Variants in COPG2 observed in about 807,000 individuals in gnomAD.
COPG2 encodes coatomer subunit gamma-2.
A neutral mutation model predicts 46.3 loss-of-function variants in COPG2; 37 were observed. That is an observed-to-expected ratio of 0.80 (90% CI 0.61 to 1.05). The LOEUF (loss-of-function observed/expected upper bound fraction) is 1.05, where lower values mean the gene tolerates loss of function less well. Ranked by LOEUF, COPG2 falls within the 50% of genes least tolerant of loss-of-function variation. COPG2 has a pLI of 0.00. For missense variants in COPG2, 427 were observed against 387.8 expected, an observed-to-expected ratio of 1.10 and a Z score of -0.85; for synonymous variants, 159 against 129.7, an observed-to-expected ratio of 1.23 and a Z score of -1.53.
chr7:130,621,602 G>T (rs782313724), intron 5 of COPG2, among the ~76,000 whole-genome samples: 2 of 151,912 alleles, frequency 1.3e-5, no homozygotes, highest in Non-Finnish European at 2.9e-5. Context: ...TGAGGTCAGG[G>T]GTTCAAGACC....
chr7:130,513,775 A>C (rs1473524371), intron 20 of COPG2, among the ~76,000 whole-genome samples: 1 of 152,198 alleles, frequency 6.6e-6, no homozygotes, highest in Non-Finnish European at 1.5e-5. Context: ...GAAAAGACTA[A>C]ATTCATGAGA....
intron 5 of COPG2, among the ~76,000 whole-genome samples, chr7:130,642,686 T>C (rs1381882636): frequency 2.6e-5 from 4 of 152,156 alleles, no homozygotes; most frequent in African/African-American, 9.7e-5. Context: ...CTATCACAAA[T>C]ACGAGGGGAC....
At chr7:130,550,013 A>C (rs1793509911) in intron 17 of COPG2, among the ~76,000 whole-genome samples, 2 of 152,152 alleles carry the variant, frequency 1.3e-5, no homozygotes, top group South Asian at 2.1e-4. Flanking sequence ...ATTAAAAAAA[A>C]CCCTTCATTT....
chr7:130,587,207 TAAGG>T (rs1563051162), intron 9 of COPG2, among the ~76,000 whole-genome samples: 1 of 151,572 alleles, frequency 6.6e-6, no homozygotes, highest in Non-Finnish European at 1.5e-5. Flanking sequence ...CCCGGGAGGC[TAAGG>T]AAGGAGAATC....
intron 12 of COPG2, among the ~76,000 whole-genome samples, chr7:130,556,768 GTCAAAGGA>G (rs1793632946): frequency 6.6e-6 from 1 of 151,958 alleles, no homozygotes; most frequent in Non-Finnish European, 1.5e-5. Flanking sequence ...ACATTCATGA[GTCAAAGGA>G]TTATATCCAA....
chr7:130,659,384 T>C (rs1554460366), intron 4 of COPG2, among the ~76,000 whole-genome samples: 1 of 126,982 alleles, frequency 7.9e-6, no homozygotes, highest in Non-Finnish European at 1.7e-5. Context: ...AAACAAGCAT[T>C]ATCTAGAAAT....
chr7:130,570,237 C>A (rs1337402756), intron 9 of COPG2, among the ~76,000 whole-genome samples: 1 of 151,994 alleles, frequency 6.6e-6, no homozygotes, highest in African/African-American at 2.4e-5. Context: ...TAAAGGACAT[C>A]CAAATTGGTA....
At chr7:130,589,089 CATA>C (rs1794347501) in intron 9 of COPG2, among the ~76,000 whole-genome samples, 1 of 151,900 alleles carries the variant, frequency 6.6e-6, no homozygotes, top group Non-Finnish European at 1.5e-5. Flanking sequence ...TATAACATCC[CATA>C]ATACAACTAA....
At chr7:130,513,327 A>ATATGTGTGTGTGTGTGTGTG (rs1554441319) in intron 20 of COPG2, among the ~76,000 whole-genome samples, 2 of 61,092 alleles carry the variant, frequency 3.3e-5, no homozygotes, top group African/African-American at 5.4e-5. Context: ...ATATATATAT[A>ATATGTGTGTGTGTGTGTGTG]TATATATATA....
At chr7:130,536,706 C>T (rs1219621859) in intron 20 of COPG2, among the ~76,000 whole-genome samples, 1 of 152,030 alleles carries the variant, frequency 6.6e-6, no homozygotes, top group East Asian at 1.9e-4. Context: ...ACACAGTTCC[C>T]GACAGACCAG....
chr7:130,569,118 G>C (rs1793852719), intron 9 of COPG2, among the ~76,000 whole-genome samples: 2 of 152,078 alleles, frequency 1.3e-5, no homozygotes, highest in South Asian at 2.1e-4. Flanking sequence ...AGCATAAATA[G>C]ATGATCTAAG....
At chr7:130,511,774 C>A (rs374410613) in intron 20 of COPG2, 1 of 518,650 alleles carries the variant, frequency 1.9e-6, no homozygotes, top group Non-Finnish European at 3.9e-6. Context: ...TCTAAATGGT[C>A]GGCTGCATGG....
intron 5 of COPG2, among the ~76,000 whole-genome samples, chr7:130,630,597 A>G (rs534025662): frequency 1.3e-5 from 2 of 152,114 alleles, no homozygotes; most frequent in South Asian, 4.1e-4. Context: ...TTAATTGTGG[A>G]TCTGTTGATT....
At chr7:130,608,124 G>C (rs1477050339) in intron 9 of COPG2, 1 of 375,628 alleles carries the variant, frequency 2.7e-6, no homozygotes. Context: ...GTTTTACAAA[G>C]ATTTTTTTGT....
intron 20 of COPG2, chr7:130,511,609 T>G (rs1554441017): frequency 3.9e-6 from 2 of 518,724 alleles, no homozygotes; most frequent in African/African-American, 1.9e-5. Flanking sequence ...ATGACACACA[T>G]CAACAGGAAG....
At chr7:130,560,909 GA>G in intron 12 of COPG2, 123 bp downstream of exon 12, 1 of 396,362 alleles carries the variant, frequency 2.5e-6, no homozygotes, top group Non-Finnish European at 4.4e-6. Flanking sequence ...AACTATGAAA[GA>G]AAAAAATTGA....
chr7:130,600,976 C>A (rs782415003), intron 9 of COPG2, among the ~76,000 whole-genome samples: 7 of 152,202 alleles, frequency 4.6e-5, no homozygotes, highest in Non-Finnish European at 8.8e-5. Context: ...TAAAACACTG[C>A]AACTTCCATA....
chr7:130,560,950 TCTG>T, intron 12 of COPG2, 80 bp downstream of exon 12: 1 of 397,814 alleles, frequency 2.5e-6, no homozygotes, highest in Non-Finnish European at 4.4e-6. Flanking sequence ...ATTTAAAACT[TCTG>T]CTTCTCAAAT....
At chr7:130,542,680 C>T (rs960050751) in intron 20 of COPG2, among the ~76,000 whole-genome samples, 17 of 152,138 alleles carry the variant, frequency 1.1e-4, no homozygotes, top group African/African-American at 3.9e-4. Flanking sequence ...TTTACACTGG[C>T]ATACCACATG....
Sources: allele counts gnomAD v4.1 joint callset (sites outside exome capture counted in the v4.1 genomes callset), GRCh38; gene constraint gnomAD v4.1.1; transcripts MANE v1.5; gene names NCBI Gene and HGNC (gene_info 2026-07-23, HGNC 2026-07-21).